Variants in MYOM1 observed in about 807,000 individuals in gnomAD.
MYOM1 encodes myomesin-1.
MYOM1 carries 164 observed loss-of-function variants against 205.3 expected under a neutral mutation model. That is an observed-to-expected ratio of 0.80 (90% CI 0.70 to 0.91). MYOM1 has a LOEUF of 0.91. MYOM1 is among the 40% of genes least tolerant of loss of function. The pLI, the probability that MYOM1 is intolerant of heterozygous loss-of-function variation, is 0.00. For synonymous variants in MYOM1, 772 were observed against 789.4 expected, an observed-to-expected ratio of 0.98 and a Z score of 0.37; for missense variants, 2,011 against 2,127.3, an observed-to-expected ratio of 0.95 and a Z score of 1.08.
intron 21 of MYOM1, among the ~76,000 whole-genome samples, chr18:3,115,243 C>G (rs1598686640): frequency 6.6e-6 from 1 of 152,106 alleles, no homozygotes; most frequent in East Asian, 1.9e-4. Context: ...GATGACCTGT[C>G]TTATTTCTTC....
intron 10 of MYOM1, among the ~76,000 whole-genome samples, chr18:3,159,815 T>C (rs377198565): frequency 1.1e-3 from 167 of 152,186 alleles, no homozygotes; most frequent in African/African-American, 3.8e-3. Context: ...ACTAGACTGG[T>C]TATGGGAGAG....
At chr18:3,239,435 A>G in the MYOM1 span, among the ~76,000 whole-genome samples, 1 of 152,196 alleles carries the variant, frequency 6.6e-6, no homozygotes, top group Non-Finnish European at 1.5e-5. Context: ...GTGAAGAGAC[A>G]AAAGTTATAA....
chr18:3,116,509 G>A lies in MYOM1; in HGVS notation c.3125C>T (p.Pro1042Leu), dbSNP rs761951856. The A allele has an allele frequency of 2.1e-5, 33 of 1,548,588 alleles. No homozygotes were observed. The highest frequency in any genetic ancestry group is 3.7e-5 in the South Asian group (3 of 81,008). The change falls in exon 21 of 38, where the codon CCG becomes CTG. Residue 1042 changes from proline to leucine, a missense_variant. Transcript: ENST00000356443. ...GACTTCACTACACTTGAGACTGTGCGGTGGTCCTGAGAGAGAGAGAAGCCA... is the reference window on the plus strand; with the variant it reads ...GACTTCACTACACTTGAGACTGTGCAGTGGTCCTGAGAGAGAGAGAAGCCA... ...EEWTIAVPGP[P>L]HSLKCSEVRK...
the MYOM1 span, among the ~76,000 whole-genome samples, chr18:3,226,092 A>C: frequency 6.6e-6 from 1 of 152,320 alleles, no homozygotes; most frequent in South Asian, 2.1e-4. This position sits in a 1 kb window ranked among gnomAD's most constrained non-coding sequence, Gnocchi z 4.6. Context: ...CTGGAGAATC[A>C]AAATTCCATT....
chr18:3,153,313 G>C (rs2080246521), intron 11 of MYOM1, among the ~76,000 whole-genome samples: 1 of 152,154 alleles, frequency 6.6e-6, no homozygotes, highest in South Asian at 2.1e-4. Flanking sequence ...GTGAGTTAGT[G>C]CTTCCTCACT....
chr18:3,106,987 AAG>A (rs1567908514), intron 22 of MYOM1, among the ~76,000 whole-genome samples: 2 of 152,358 alleles, frequency 1.3e-5, no homozygotes, highest in East Asian at 1.9e-4. Context: ...GTGGGTAGAA[AAG>A]AGAGGCATGA....
intron 25 of MYOM1, among the ~76,000 whole-genome samples, chr18:3,097,080 G>T (rs941967422): frequency 1.3e-5 from 2 of 152,102 alleles, no homozygotes; most frequent in African/African-American, 2.4e-5. Context: ...TAAAATAGGA[G>T]AATTTACTGT....
rs1051201077 is a variant in MYOM1, at chr18:3,083,250, C to T, written c.4484+539G>A. On this transcript the variant is annotated intron_variant, in intron 33 of 37. Transcript: ENST00000356443. ...TGTACATGTTGAGGGAAAGAGCTAA[C>T]CTCACAGTAACAGAATGCCTTGGAT... 3.4e-4 allele frequency among the ~76,000 whole-genome samples: 52 copies of T among 151,926 alleles called. 1 individual carries two copies. Among genetic ancestry groups the T allele is most frequent in the African/African-American group, 1.2e-3 (48 of 41,352 alleles).
chr18:3,147,563 T>C (rs1374331001), intron 13 of MYOM1, among the ~76,000 whole-genome samples: 3 of 152,150 alleles, frequency 2.0e-5, no homozygotes, highest in Non-Finnish European at 4.4e-5. Flanking sequence ...AGAAGACTTA[T>C]ACTGATTTGA....
At chr18:3,164,597 T>A (rs145916697) in intron 9 of MYOM1, among the ~76,000 whole-genome samples, 158 bp from the exon 10 acceptor site, 1 of 152,344 alleles carries the variant, frequency 6.6e-6, no homozygotes, top group East Asian at 1.9e-4. Context: ...TATGTTTACA[T>A]TGGTAAAAAT....
At chr18:3,198,989 AC>A (rs2144198879) in intron 2 of MYOM1, among the ~76,000 whole-genome samples, 1 of 152,224 alleles carries the variant, frequency 6.6e-6, no homozygotes, top group South Asian at 2.1e-4. Flanking sequence ...GTCAAAAATA[AC>A]CAATCAGGGC....
intron 26 of MYOM1, among the ~76,000 whole-genome samples, chr18:3,093,142 C>A (rs192065430): frequency 6.6e-6 from 1 of 152,168 alleles, no homozygotes; most frequent in Non-Finnish European, 1.5e-5. Context: ...ATACTGCATA[C>A]TCTCCTAATA....
At chr18:3,132,078 ATAT>A (rs1222703429) in intron 16 of MYOM1, among the ~76,000 whole-genome samples, 1 of 146,596 alleles carries the variant, frequency 6.8e-6, no homozygotes, top group Non-Finnish European at 1.5e-5. Context: ...ATAATAATAT[ATAT>A]GAGTTATACT....
chr18:3,214,952 T>C lies in MYOM1; in HGVS notation c.272A>G (p.Asp91Gly). 1 of 1,604,918 alleles carries C rather than the reference T, an allele frequency of 6.2e-7. No individual in the cohort carries two copies. The highest frequency in any genetic ancestry group is 8.5e-7 in the Non-Finnish European group (1 of 1,174,430). The change falls in exon 2 of 38, where the codon GAT becomes GGT. Residue 91 changes from aspartate to glycine, a missense_variant. By Grantham distance (94) the Asp-to-Gly change is moderately conservative. Coordinates refer to ENST00000356443, the MANE Select transcript of MYOM1 (RefSeq NM_003803.4). ...GACATACCCATGGGAGGAGCCATAA[T>C]CGTAGGCTGAGGCTGCCTTCCGACT... ...EVSRKAASAYDYGSSHGLTDS... is the reference protein window; with the variant it reads ...EVSRKAASAYGYGSSHGLTDS...
At chr18:3,215,356 T>A in intron 1 of MYOM1, 105 bp from the exon 2 acceptor site, 1 of 931,478 alleles carries the variant, frequency 1.1e-6, no homozygotes, top group Non-Finnish European at 1.6e-6. Context: ...CTGGGTGCGG[T>A]GGTTCATGCT....
the MYOM1 span, among the ~76,000 whole-genome samples, chr18:3,229,968 C>T: frequency 4.5e-5 from 4 of 89,258 alleles, no homozygotes; most frequent in Admixed American, 3.2e-4. Flanking sequence ...AAGAGTGAAA[C>T]TCCATCTCAA....
chr18:3,145,820 GA>G (rs1412500935), intron 13 of MYOM1, among the ~76,000 whole-genome samples: 1 of 151,880 alleles, frequency 6.6e-6, no homozygotes, highest in East Asian at 1.9e-4. Context: ...GAAAAATATA[GA>G]AAATCAATGA....
At chr18:3,101,387 T>A (rs4797099) in intron 23 of MYOM1, among the ~76,000 whole-genome samples, 1 of 152,198 alleles carries the variant, frequency 6.6e-6, no homozygotes, top group Non-Finnish European at 1.5e-5. Flanking sequence ...GTAAAAAGAA[T>A]ACTCAAAATC....
Position 3,081,658 on chromosome 18 carries a change from C to T in MYOM1, c.4484+2131G>A, listed in dbSNP as rs140465400. ...TCTTCAGACTGATATATTAGAATGT[C>T]CTAGATGCCACAGAGGAATTTCCTG... On this transcript the variant is annotated intron_variant, in intron 33 of 37. Coordinates refer to ENST00000356443, the MANE Select transcript of MYOM1 (RefSeq NM_003803.4). Among the ~76,000 whole-genome samples the T allele has an allele frequency of 2.4e-4, 37 of 152,196 alleles. 1 individual carries two copies. In the East Asian group the frequency reaches 5.8e-3, roughly 24 times the overall value.
Sources: gnomAD v4.1 joint callset for allele counts (sites outside exome capture counted in the v4.1 genomes callset) on GRCh38, gnomAD v4.1.1 for gene constraint, Gnocchi (gnomAD v3.1) non-coding constraint, MANE v1.5 for transcripts, NCBI Gene and HGNC (gene_info 2026-07-23, HGNC 2026-07-21) for gene names.